The following CEP83 variants were observed in gnomAD, a reference collection of about 807,000 sequenced individuals.
The protein encoded by CEP83 is centrosomal protein 83.
A neutral mutation model predicts 101.9 loss-of-function variants in CEP83; 70 were observed. That is an observed-to-expected ratio of 0.69 (90% CI 0.57 to 0.84). The LOEUF is 0.84. Among genes scored for constraint, CEP83 ranks in the 40% least tolerant of loss-of-function variants. CEP83 has a pLI of 0.00. For missense variants in CEP83, 715 were observed against 787.2 expected (o/e 0.91, Z 1.10); for synonymous variants, 264 against 267.9 (o/e 0.99, Z 0.14).
intron 11 of CEP83, among the ~76,000 whole-genome samples, chr12:94,338,813 GC>G (rs1171084104): frequency 5.3e-5 from 8 of 152,062 alleles, no homozygotes; most frequent in African/African-American, 1.9e-4. Context: ...AGAAAATGTA[GC>G]TATAAATAAG....
chr12:94,406,645 G>T (rs775415411), intron 4 of CEP83, among the ~76,000 whole-genome samples: 25 of 152,148 alleles, frequency 1.6e-4, no homozygotes, highest in Non-Finnish European at 3.2e-4. Flanking sequence ...ACCAAGGCCG[G>T]GCAAGGTGGC....
Position 94,313,269 on chromosome 12 carries a change from CA to C in CEP83, c.1708-253del, listed in dbSNP as rs11306319. On this transcript the variant is annotated intron_variant, in intron 14 of 16. Transcript: ENST00000397809. ...AAAAAACTGTTATCAATAATTGCTG[CA>C]AAAAAAAAATCTACAAAGGGAAGGA... 61,995 of 225,412 alleles carry C rather than the reference CA, an allele frequency of 0.28. 8,408 individuals are homozygous for C. The highest frequency in any genetic ancestry group is 0.34 in the South Asian group (3,761 of 10,992). The allele number at this position is 225,412 out of a possible 1,614,324, so 14.0% of individuals were successfully genotyped here. A position where few individuals can be genotyped will look rare whatever the true frequency, so the allele number is the denominator to read the frequency against.
chr12:94,314,721 T>C (rs997296596), intron 14 of CEP83, among the ~76,000 whole-genome samples: 2 of 152,218 alleles, frequency 1.3e-5, no homozygotes, highest in African/African-American at 2.4e-5. Flanking sequence ...CTCAGAAGGC[T>C]TCCTTATGCT....
intron 11 of CEP83, among the ~76,000 whole-genome samples, chr12:94,347,782 T>G (rs759967782): frequency 6.6e-6 from 1 of 152,198 alleles, no homozygotes; most frequent in Non-Finnish European, 1.5e-5. Context: ...TTGCCTAATG[T>G]TGGGACTCAG....
chr12:94,303,804 AAAG>A (rs1565877452), downstream of CEP83: 2 of 1,610,596 alleles, frequency 1.2e-6, no homozygotes, highest in African/African-American at 1.3e-5. Flanking sequence ...CCCAACCTAC[AAAG>A]AAGAAGTAAA....
intron 6 of CEP83, among the ~76,000 whole-genome samples, chr12:94,395,369 TA>T (rs199629590): frequency 0.031 from 4,668 of 148,980 alleles, 234 homozygotes; most frequent in African/African-American, 0.1. Flanking sequence ...AGTAACAAAT[TA>T]AAAAAAAAAA....
the CEP83 span, among the ~76,000 whole-genome samples, chr12:94,295,247 C>T: frequency 6.6e-6 from 1 of 152,188 alleles, no homozygotes; most frequent in African/African-American, 2.4e-5. Context: ...TTAGAAGGAG[C>T]AGGGAGCATC....
chr12:94,419,320 T>C (rs758419924), intron 2 of CEP83, among the ~76,000 whole-genome samples: 10 of 152,094 alleles, frequency 6.6e-5, no homozygotes, highest in Admixed American at 1.3e-4. Flanking sequence ...TGCAAACTAT[T>C]TATTATAGGA....
chr12:94,271,083 C>T, the CEP83 span, among the ~76,000 whole-genome samples: 1 of 152,172 alleles, frequency 6.6e-6, no homozygotes, highest in African/African-American at 2.4e-5. Flanking sequence ...TTTCTTGTTT[C>T]TTCTCTCTTT....
chr12:94,333,583 C>CA lies in CEP83; in HGVS notation c.1475dup (p.Leu492PhefsTer23). ...CCTTCAGCATTTGGTTTGAATTCAG[C>CA]AAGTCATTCTCTGACTGTGCAAGTG... On this transcript the variant is annotated frameshift_variant, in exon 13 of 17. Transcript: ENST00000397809. LOFTEE classifies it high-confidence loss of function. The CA allele has an allele frequency of 6.2e-7, 1 of 1,613,760 alleles. No individual in the cohort carries two copies. Among genetic ancestry groups the CA allele is most frequent in the Non-Finnish European group, 8.5e-7 (1 of 1,179,798 alleles).
rs117101674 is a variant in CEP83, at chr12:94,325,966, C to T, written c.1707+5734G>A. Among the ~76,000 whole-genome samples, 120 of 152,272 alleles carry T rather than the reference C, an allele frequency of 7.9e-4. 1 individual carries two copies. In the East Asian group the frequency reaches 0.022, roughly 28 times the overall value. ...TTTTGTATAATTCTTAGCAAGTCCC[C>T]TTCAATCATACCTGAGTTGATGTTA... On this transcript the variant is annotated intron_variant, in intron 14 of 16. Coordinates refer to ENST00000397809, the MANE Select transcript of CEP83 (RefSeq NM_016122.3).
At chr12:94,398,924 T>G (rs909830470) in intron 6 of CEP83, among the ~76,000 whole-genome samples, 6 of 152,152 alleles carry the variant, frequency 3.9e-5, no homozygotes, top group African/African-American at 1.4e-4. Flanking sequence ...CTCAGGCTTA[T>G]TAAGATTGGG....
chr12:94,450,823 AT>A (rs1428136012), intron 1 of CEP83, among the ~76,000 whole-genome samples: 1 of 152,248 alleles, frequency 6.6e-6, no homozygotes, highest in Non-Finnish European at 1.5e-5. Context: ...TCCTACAAAC[AT>A]CAGATGTGTT....
intron 2 of CEP83, among the ~76,000 whole-genome samples, chr12:94,417,158 A>C (rs1340646193): frequency 6.7e-6 from 1 of 148,538 alleles, no homozygotes; most frequent in Non-Finnish European, 1.5e-5. Context: ...AAAAACAAAC[A>C]AAAAAAAGTC....
At chr12:94,277,195 C>G in the CEP83 span, 6 of 152,124 alleles carry the variant, frequency 3.9e-5, no homozygotes, top group African/African-American at 1.4e-4. Context: ...CCTGCTGGGT[C>G]CTCACATGGT....
At chr12:94,393,163 G>T (rs549517736) in intron 6 of CEP83, among the ~76,000 whole-genome samples, 1 of 152,276 alleles carries the variant, frequency 6.6e-6, no homozygotes, top group African/African-American at 2.4e-5. Context: ...GCCTGGAAGA[G>T]ACACAACAAA....
downstream of CEP83, chr12:94,305,469 G>T (rs1299642047): frequency 3.6e-6 from 2 of 549,492 alleles, no homozygotes; most frequent in African/African-American, 1.9e-5. Flanking sequence ...TTGTGCCTGT[G>T]TGTATACCGT....
At chr12:94,269,395 C>G in the CEP83 span, among the ~76,000 whole-genome samples, 1 of 152,224 alleles carries the variant, frequency 6.6e-6, no homozygotes, top group African/African-American at 2.4e-5. Flanking sequence ...CTACCCCAGT[C>G]TGTCTCTTTC....
At chr12:94,343,756 G>A (rs1370695485) in intron 11 of CEP83, among the ~76,000 whole-genome samples, 1 of 151,446 alleles carries the variant, frequency 6.6e-6, no homozygotes, top group Non-Finnish European at 1.5e-5. Context: ...GCCTCCCAAA[G>A]TGCTGGGATT....
Sources: allele counts gnomAD v4.1 joint callset (sites outside exome capture counted in the v4.1 genomes callset), GRCh38; gene constraint gnomAD v4.1.1; transcripts MANE v1.5; gene names NCBI Gene and HGNC (gene_info 2026-07-23, HGNC 2026-07-21).